HHIP: variants seen among roughly 807,000 people sequenced by gnomAD.
The protein encoded by HHIP is hedgehog interacting protein, also known as hedgehog-interacting protein.
A neutral mutation model predicts 74.0 loss-of-function variants in HHIP; 12 were observed. That is an observed-to-expected ratio of 0.16 (90% CI 0.10 to 0.26). HHIP has a LOEUF of 0.26. Ranked by LOEUF, HHIP falls within the 10% of genes least tolerant of loss-of-function variation. The probability of loss-of-function intolerance (pLI) is 1.00; values close to 1 mark genes in which losing one functional copy is unlikely to be tolerated. For missense variants in HHIP, 788 were observed against 845.0 expected (o/e 0.93, Z 0.84); for synonymous variants, 309 against 311.6 (o/e 0.99, Z 0.09).
intron 4 of HHIP, chr4:144,661,326 T>C (rs1218435016): frequency 2.0e-5 from 3 of 152,188 alleles, no homozygotes; most frequent in Non-Finnish European, 4.4e-5. Flanking sequence ...CTGCAGTACT[T>C]GGCCAAATTT....
rs551339626 is a variant in HHIP, at chr4:144,679,591, G to A, written c.831+19753G>A. Among the ~76,000 whole-genome samples, 7 of 152,174 alleles carry A rather than the reference G, an allele frequency of 4.6e-5. 1 individual carries two copies. In the South Asian group the frequency reaches 1.5e-3, roughly 32 times the overall value. On this transcript the variant is annotated intron_variant, in intron 4 of 12. Coordinates refer to ENST00000296575, the MANE Select transcript of HHIP (RefSeq NM_022475.3). Reference sequence around the variant, plus strand: ...GGTCCAGTTTCAGTTTTCTGTATATGGCTAGCCAGTTTTCCCAACACCATG... The same window carrying A: ...GGTCCAGTTTCAGTTTTCTGTATATAGCTAGCCAGTTTTCCCAACACCATG...
In HHIP at chr4:144,722,944, T is replaced by C. The variant is rs1047376660; in HGVS notation, c.1760+3988T>C. 4.6e-5 allele frequency among the ~76,000 whole-genome samples: 7 copies of C among 152,182 alleles called. No homozygotes were observed. In the East Asian group the frequency reaches 9.6e-4, roughly 21 times the overall value. On this transcript the variant is annotated intron_variant, in intron 11 of 12. Coordinates refer to ENST00000296575, the MANE Select transcript of HHIP (RefSeq NM_022475.3). ...CCTTTCAGAATTACATAAATGTTCCTAGGGGTGGAAATTAAAGAATTCTGA... is the reference window on the plus strand; with the variant it reads ...CCTTTCAGAATTACATAAATGTTCCCAGGGGTGGAAATTAAAGAATTCTGA...
At position 144,707,172 on chromosome 4, in the gene HHIP, C is replaced by T. The variant is rs1459285626; in HGVS notation, c.1069C>T (p.Leu357=). 1.2e-6 allele frequency: 2 copies of T among 1,613,792 alleles called. No individual in the cohort carries two copies. The highest frequency in any genetic ancestry group is 1.7e-6 in the Non-Finnish European group (2 of 1,179,836). ...CCACAGAAAGCATCTGGGAGGACAA[C>T]TGCTCTTTGGCCCTGACGGCTTTTT... ...ELHRKHLGGQ[L]LFGPDGFLYI... The change falls in exon 6 of 13, where the codon CTG becomes TTG. Residue 357 remains leucine, a synonymous_variant. Coordinates refer to ENST00000296575, the MANE Select transcript of HHIP (RefSeq NM_022475.3).
intron 4 of HHIP, among the ~76,000 whole-genome samples, chr4:144,685,950 C>A (rs1478294130): frequency 6.6e-6 from 1 of 152,158 alleles, no homozygotes; most frequent in Non-Finnish European, 1.5e-5. Flanking sequence ...GTATAAAGAC[C>A]ACCTTCACTA....
At chr4:144,705,091 G>A (rs900532782) in intron 4 of HHIP, among the ~76,000 whole-genome samples, 3 of 152,154 alleles carry the variant, frequency 2.0e-5, no homozygotes, top group Non-Finnish European at 4.4e-5. Context: ...TGGTCGTTCT[G>A]TGTATTTGCA....
In HHIP at chr4:144,658,775, T is replaced by G. The variant is rs1371261330; in HGVS notation, c.473-15T>G. Reference sequence around the variant, plus strand: ...CATTAGGTGCTTCTAATGAGTCTTTTTATATTTTTTAAAGGTTTCCTTCAA... The same window carrying G: ...CATTAGGTGCTTCTAATGAGTCTTTGTATATTTTTTAAAGGTTTCCTTCAA... On this transcript the variant is annotated splice_polypyrimidine_tract_variant and intron_variant, in intron 2 of 12. Coordinates refer to ENST00000296575, the MANE Select transcript of HHIP (RefSeq NM_022475.3). 2 of 1,605,234 alleles carry G rather than the reference T, an allele frequency of 1.2e-6. No individual in the cohort carries two copies. Among genetic ancestry groups the G allele is most frequent in the South Asian group, 2.2e-5 (2 of 89,554 alleles).
chr4:144,693,576 T>C (rs1729734304), intron 4 of HHIP, among the ~76,000 whole-genome samples: 1 of 152,062 alleles, frequency 6.6e-6, no homozygotes, highest in Non-Finnish European at 1.5e-5. Context: ...TCAGAGTTTT[T>C]TCTTTTGTGA....
At chr4:144,695,670 A>G (rs761494227) in intron 4 of HHIP, among the ~76,000 whole-genome samples, 3 of 151,890 alleles carry the variant, frequency 2.0e-5, no homozygotes, top group Non-Finnish European at 2.9e-5. Flanking sequence ...GATAAATTTT[A>G]TATATTTTAA....
rs999649406 is a variant in HHIP, at chr4:144,743,740, C to T, written c.*5783C>T. The T allele has an allele frequency of 6.6e-5, 10 of 151,956 alleles. No individual in the cohort carries two copies. Among genetic ancestry groups the T allele is most frequent in the African/African-American group, 2.4e-4 (10 of 41,410 alleles). 9.4% of individuals were successfully genotyped at this position (151,956 alleles called of 1,614,324 possible). A position where few individuals can be genotyped will look rare whatever the true frequency, so the allele number is the denominator to read the frequency against. ...ATTTAAGTACATAATATAAAAAGAA[C>T]TGAACATTAACAGTAATGGGAAATT... On this transcript the variant is annotated 3_prime_UTR_variant, in exon 13 of 13. Coordinates refer to ENST00000296575, the MANE Select transcript of HHIP (RefSeq NM_022475.3).
At chr4:144,715,202 A>T (rs988533624) in intron 9 of HHIP, 98 bp from the exon 10 acceptor site, 1 of 1,193,134 alleles carries the variant, frequency 8.4e-7, no homozygotes, top group Non-Finnish European at 1.2e-6. Context: ...TCTATGGCAA[A>T]GCAATTGTTT....
chr4:144,648,221 G>C (rs1036621037), intron 1 of HHIP: 12 of 152,142 alleles, frequency 7.9e-5, no homozygotes, highest in African/African-American at 2.9e-4. Context: ...CCACTAAACT[G>C]CTGCCCACAC....
intron 2 of HHIP, among the ~76,000 whole-genome samples, chr4:144,657,549 T>G (rs1032077319): frequency 1.3e-5 from 2 of 152,220 alleles, no homozygotes; most frequent in Admixed American, 6.5e-5. Context: ...ATCATTAGAA[T>G]GTGGAAGTGA....
intron 4 of HHIP, among the ~76,000 whole-genome samples, chr4:144,695,908 A>C (rs541082272): frequency 1.2e-4 from 18 of 152,052 alleles, no homozygotes; most frequent in Non-Finnish European, 2.9e-5. Context: ...CAATTTTCTG[A>C]AGTCCAAAAG....
rs1731318768 is a variant in HHIP, at chr4:144,743,533, T to C, written c.*5576T>C. On this transcript the variant is annotated 3_prime_UTR_variant, in exon 13 of 13. Coordinates refer to ENST00000296575, the MANE Select transcript of HHIP (RefSeq NM_022475.3). Reference sequence around the variant, plus strand: ...AATCTAAGGTTACTTCTCACATACATCATAAAGTCAGCCATCATCTTTCAT... The same window carrying C: ...AATCTAAGGTTACTTCTCACATACACCATAAAGTCAGCCATCATCTTTCAT... 1 of 152,102 alleles carries C rather than the reference T, an allele frequency of 6.6e-6. No individual in the cohort carries two copies. The allele number at this position is 152,102 out of a possible 1,614,324, so 9.4% of individuals were successfully genotyped here. A position where few individuals can be genotyped will look rare whatever the true frequency, so the allele number is the denominator to read the frequency against.
At chr4:144,726,657 A>G (rs1291424062) in intron 11 of HHIP, among the ~76,000 whole-genome samples, 15 of 152,204 alleles carry the variant, frequency 9.9e-5, no homozygotes, top group Admixed American at 9.8e-4. Context: ...AAAAGAGAAT[A>G]TCAGCACAAC....
At chr4:144,732,743 G>T (rs1239287596) in intron 11 of HHIP, among the ~76,000 whole-genome samples, 3 of 152,190 alleles carry the variant, frequency 2.0e-5, no homozygotes, top group Non-Finnish European at 4.4e-5. Context: ...ATCTCATGGG[G>T]TAGTATGTGA....
intron 4 of HHIP, among the ~76,000 whole-genome samples, chr4:144,695,485 C>T (rs1232945761): frequency 6.6e-6 from 1 of 151,486 alleles, no homozygotes; most frequent in Non-Finnish European, 1.5e-5. Flanking sequence ...CAAAAATACA[C>T]ATTTTTCTAT....
chr4:144,685,969 A>T (rs557550986), intron 4 of HHIP, among the ~76,000 whole-genome samples: 1 of 152,254 alleles, frequency 6.6e-6, no homozygotes, highest in Non-Finnish European at 1.5e-5. Context: ...TAGGTGACTT[A>T]TTTTTGCTGC....
chr4:144,730,041 T>G (rs1730910597), intron 11 of HHIP, among the ~76,000 whole-genome samples: 1 of 152,178 alleles, frequency 6.6e-6, no homozygotes. Flanking sequence ...GTTCATCCCC[T>G]AAATTAAATA....
Sources: allele counts gnomAD v4.1 joint callset (sites outside exome capture counted in the v4.1 genomes callset), GRCh38; gene constraint gnomAD v4.1.1; transcripts MANE v1.5; gene names NCBI Gene and HGNC (gene_info 2026-07-23, HGNC 2026-07-21).